NRN1: variants seen among roughly 807,000 people sequenced by gnomAD.
NRN1 encodes neuritin.
A neutral mutation model predicts 15.0 loss-of-function variants in NRN1; 4 were observed. That is an observed-to-expected ratio of 0.27 (90% CI 0.13 to 0.61). The LOEUF is 0.61. Ranked by LOEUF, NRN1 falls within the 20% of genes least tolerant of loss-of-function variation. The pLI, the probability that NRN1 is intolerant of heterozygous loss-of-function variation, is 0.87. For synonymous variants in NRN1, 85 were observed against 79.8 expected (o/e 1.07, Z -0.35); for missense variants, 134 against 181.9 (o/e 0.74, Z 1.51).
At chr6:6,006,946 A>C, upstream of NRN1, 2 of 161,312 alleles carry the variant, frequency 1.2e-5, no homozygotes, top group East Asian at 2.0e-4. Context: ...AGAAAGAGAG[A>C]GAGAGAGAGA....
At chr6:6,000,754 C>CTTTTTT (rs1561902807) in intron 2 of NRN1, among the ~76,000 whole-genome samples, 51 of 83,708 alleles carry the variant, frequency 6.1e-4, no homozygotes, top group African/African-American at 2.1e-3. Context: ...TTTTTATGTA[C>CTTTTTT]GCCCAGATGA....
chr6:5,999,307 T>G, intron 2 of NRN1, 103 bp from the exon 3 acceptor site: 1 of 946,662 alleles, frequency 1.1e-6, no homozygotes, highest in Non-Finnish European at 1.6e-6. Context: ...CCCCGCCAAC[T>G]TCCCGGGGTG....
At chr6:6,003,584 G>C (rs1582993550) in intron 1 of NRN1, 4 of 640,858 alleles carry the variant, frequency 6.2e-6, no homozygotes, top group Non-Finnish European at 8.8e-6. Context: ...AAAGCTGAGC[G>C]GCGGGAGGAG....
chr6:5,999,763 C>A (rs931837387), intron 2 of NRN1, among the ~76,000 whole-genome samples: 1 of 152,186 alleles, frequency 6.6e-6, no homozygotes, highest in Non-Finnish European at 1.5e-5. Context: ...ACTACCTCTT[C>A]CTTTTGTTTT....
chr6:6,001,295 C>T (rs1757938590), intron 2 of NRN1, among the ~76,000 whole-genome samples: 1 of 152,198 alleles, frequency 6.6e-6, no homozygotes, highest in Non-Finnish European at 1.5e-5. Context: ...AATGGTCACT[C>T]TAACCTCAGG....
At chr6:6,006,953 GA>G, upstream of NRN1, 32 of 153,398 alleles carry the variant, frequency 2.1e-4, no homozygotes, top group Middle Eastern at 2.2e-3. Context: ...GAGAGAGAGA[GA>G]GAGGCTGAGG....
In NRN1 at chr6:5,998,948, G is replaced by C. The variant is rs553941135; in HGVS notation, c.*28C>G. ...CCGGGAGCATGGAGTGAGTGTGGGT[G>C]GGCGCGCGGGGGGAGCTGGCCCCAC... On this transcript the variant is annotated 3_prime_UTR_variant, in exon 3 of 3. Transcript: ENST00000244766. The C allele has an allele frequency of 2.5e-5, 38 of 1,539,550 alleles. No individual in the cohort carries two copies. Among genetic ancestry groups the C allele is most frequent in the Non-Finnish European group, 3.1e-5 (35 of 1,122,040 alleles).
chr6:6,004,517 G>A (rs1656276344), intron 1 of NRN1, among the ~76,000 whole-genome samples: 1 of 152,228 alleles, frequency 6.6e-6, no homozygotes, highest in Non-Finnish European at 1.5e-5. Flanking sequence ...GGGGGCGGGA[G>A]CGCTCTTGTC....
In NRN1 at chr6:5,999,204, T is replaced by G; in HGVS notation, c.201A>C (p.Thr67=). Residue 67 remains threonine, a splice_region_variant and synonymous_variant, in exon 3 of 3, where the codon ACA becomes ACC. Coordinates refer to ENST00000244766, the MANE Select transcript of NRN1 (RefSeq NM_016588.3). ...TGCAGCTGTGGAAATCCTCCCAGTA[T>G]CTGGTGAGGAACAGAACAAAACAGA... ...DDKTNIKTVC[T]YWEDFHSCTV... is the part of the protein sequence containing the mutation. 6.2e-7 allele frequency: 1 copy of G among 1,612,250 alleles called. No homozygotes were observed.
rs746764985 is a variant in NRN1, at chr6:6,002,403, G to A, written c.150C>T (p.Ala50=). ...DCLLKLGDSM[A]NYPQGLDDKT... ...TGTCGTCCAGGCCCTGCGGGTAGTT[G>A]GCCATGCTGTCGCCCAGCTTGAGCA... The change falls in exon 2 of 3, where the codon GCC becomes GCT. Residue 50 remains alanine (A), a synonymous_variant. Coordinates refer to ENST00000244766, the MANE Select transcript of NRN1 (RefSeq NM_016588.3). 2 of 1,614,232 alleles carry A rather than the reference G, an allele frequency of 1.2e-6. No homozygotes were observed. Among genetic ancestry groups the A allele is most frequent in the Non-Finnish European group, 1.7e-6 (2 of 1,180,024 alleles).
chr6:6,000,477 G>T (rs1757912365), intron 2 of NRN1, among the ~76,000 whole-genome samples: 2 of 152,182 alleles, frequency 1.3e-5, no homozygotes, highest in South Asian at 2.1e-4. Context: ...CCAGGTCACA[G>T]GCACCTGCCT....
chr6:6,004,236 A>G (rs1347448001), intron 1 of NRN1, among the ~76,000 whole-genome samples: 1 of 152,256 alleles, frequency 6.6e-6, no homozygotes, highest in African/African-American at 2.4e-5. Context: ...CCTTGCGACT[A>G]CAATACTAAC....
intron 1 of NRN1, chr6:6,002,790 G>A: frequency 9.0e-6 from 4 of 442,672 alleles, no homozygotes; most frequent in Non-Finnish European, 1.6e-5. Context: ...ATCTCGCTCC[G>A]TATCTTTTTC....
intron 1 of NRN1, chr6:6,003,780 C>A (rs1040683604): frequency 6.5e-6 from 8 of 1,233,982 alleles, no homozygotes; most frequent in Non-Finnish European, 8.1e-6. Context: ...GAGTGCCTAG[C>A]GGCCCAAAGC....
chr6:6,003,982 A>T, intron 1 of NRN1: 1 of 1,218,430 alleles, frequency 8.2e-7, no homozygotes, highest in Non-Finnish European at 1.0e-6. Context: ...CCCGGCCCCC[A>T]ACGCGGGCGC....
intron 1 of NRN1, chr6:6,004,006 C>G: frequency 8.3e-7 from 1 of 1,207,518 alleles, no homozygotes; most frequent in Non-Finnish European, 1.0e-6. Context: ...TCCGCGAGCG[C>G]CGGGCCAGAC....
At chr6:6,003,708 T>G in intron 1 of NRN1, 1 of 1,234,298 alleles carries the variant, frequency 8.1e-7, no homozygotes, top group Non-Finnish European at 1.0e-6. Flanking sequence ...GGTACCAGGC[T>G]GCGGGCGCGC....
intron 1 of NRN1, chr6:6,004,016 C>A (rs79467423): frequency 5.0e-6 from 6 of 1,201,340 alleles, no homozygotes; most frequent in Admixed American, 8.9e-5. Flanking sequence ...CCGGGCCAGA[C>A]GCCGAAGAGG....
intron 2 of NRN1, 67 bp downstream of exon 2, chr6:6,002,286 C>A: frequency 1.3e-6 from 2 of 1,571,600 alleles, no homozygotes; most frequent in Non-Finnish European, 1.7e-6. Flanking sequence ...GGCGGGGAGG[C>A]TCGGCACTCT....
Sources: gnomAD v4.1 joint callset for allele counts (sites outside exome capture counted in the v4.1 genomes callset) on GRCh38, gnomAD v4.1.1 for gene constraint, MANE v1.5 for transcripts, NCBI Gene and HGNC (gene_info 2026-07-23, HGNC 2026-07-21) for gene names.